Variants in IGSF10 observed in about 807,000 individuals in gnomAD.
IGSF10 encodes the protein calvaria mechanical force protein 608.
A neutral mutation model predicts 128.2 loss-of-function variants in IGSF10; 126 were observed. That is an observed-to-expected ratio of 0.98 (90% confidence interval 0.85 to 1.14). IGSF10 has a LOEUF of 1.14. Among genes scored for constraint, IGSF10 ranks in the 50% most tolerant of loss-of-function variants. The probability of loss-of-function intolerance (pLI) is 0.00; values close to 1 mark genes in which losing one functional copy is unlikely to be tolerated. For synonymous variants in IGSF10, 1,185 were observed against 1,146.2 expected, an observed-to-expected ratio of 1.03 and a Z score of -0.68; for missense variants, 3,295 against 3,149.8, an observed-to-expected ratio of 1.05 and a Z score of -1.10.
the IGSF10 span, among the ~76,000 whole-genome samples, chr3:151,491,376 A>T: frequency 6.6e-6 from 1 of 152,146 alleles, no homozygotes; most frequent in Non-Finnish European, 1.5e-5. Flanking sequence ...CAGGAGGTCA[A>T]GACCAACCTG....
At chr3:151,618,671 A>G in the IGSF10 span, among the ~76,000 whole-genome samples, 2 of 152,002 alleles carry the variant, frequency 1.3e-5, no homozygotes, top group Non-Finnish European at 2.9e-5. Flanking sequence ...CGGAGCTTAC[A>G]GTGAATCGAG....
At chr3:151,435,739 G>GAATT (rs1023846444), downstream of IGSF10, 3 of 152,058 alleles carry the variant, frequency 2.0e-5, no homozygotes, top group African/African-American at 4.8e-5. Flanking sequence ...AATTCAGGTT[G>GAATT]AATTAAGCAT....
At chr3:151,442,678 C>G (rs774509157) in intron 7 of IGSF10, among the ~76,000 whole-genome samples, 21 of 151,682 alleles carry the variant, frequency 1.4e-4, no homozygotes, top group Non-Finnish European at 2.6e-4. Flanking sequence ...CGTGAGCCAC[C>G]GTGCCTGTCC....
the IGSF10 span, among the ~76,000 whole-genome samples, chr3:151,580,724 A>C: frequency 6.6e-6 from 1 of 152,194 alleles, no homozygotes; most frequent in Admixed American, 6.5e-5. Context: ...ACACTTACGG[A>C]GGAATTCTAC....
chr3:151,494,277 G>A, the IGSF10 span, among the ~76,000 whole-genome samples: 1 of 129,742 alleles, frequency 7.7e-6, no homozygotes, highest in Admixed American at 8.0e-5. Flanking sequence ...AAAGCAAAAA[G>A]AAGAAGAAAC....
the IGSF10 span, among the ~76,000 whole-genome samples, chr3:151,598,445 G>A: frequency 2.0e-5 from 3 of 152,214 alleles, no homozygotes; most frequent in Non-Finnish European, 4.4e-5. Flanking sequence ...ACCCCCAAAT[G>A]CAGTCATCTG....
the IGSF10 span, among the ~76,000 whole-genome samples, chr3:151,478,165 A>G: frequency 1.3e-5 from 2 of 152,130 alleles, no homozygotes; most frequent in Non-Finnish European, 2.9e-5. Flanking sequence ...CAGTGGCAAA[A>G]CAAAACAAAC....
the IGSF10 span, among the ~76,000 whole-genome samples, chr3:151,530,968 G>A: frequency 6.6e-6 from 1 of 152,032 alleles, no homozygotes; most frequent in Non-Finnish European, 1.5e-5. Flanking sequence ...GACACACATA[G>A]GCTCAAAATA....
the IGSF10 span, among the ~76,000 whole-genome samples, chr3:151,551,655 T>C: frequency 2.4e-5 from 3 of 124,292 alleles, no homozygotes; most frequent in African/African-American, 6.6e-5. Context: ...CCTTGGAACA[T>C]GGGCATTACA....
At chr3:151,442,961 C>A in intron 7 of IGSF10, 23 bp downstream of exon 7, 1 of 1,586,766 alleles carries the variant, frequency 6.3e-7, no homozygotes, top group South Asian at 1.2e-5. Context: ...GCAGATAATT[C>A]CAACCCAAAG....
chr3:151,616,984 C>G, the IGSF10 span, among the ~76,000 whole-genome samples: 1 of 152,272 alleles, frequency 6.6e-6, no homozygotes, highest in African/African-American at 2.4e-5. Flanking sequence ...GGCAAGGCTG[C>G]CTGAAGCCTT....
the IGSF10 span, among the ~76,000 whole-genome samples, chr3:151,502,848 A>C: frequency 6.6e-6 from 1 of 152,152 alleles, no homozygotes. Context: ...GAGTGATAAG[A>C]AAACCAGAAA....
At chr3:151,541,347 T>G in the IGSF10 span, among the ~76,000 whole-genome samples, 1 of 152,206 alleles carries the variant, frequency 6.6e-6, no homozygotes, top group African/African-American at 2.4e-5. Context: ...CAGTAAAATT[T>G]GTTATGATAC....
At chr3:151,521,954 A>C in the IGSF10 span, among the ~76,000 whole-genome samples, 1 of 151,854 alleles carries the variant, frequency 6.6e-6, no homozygotes, top group African/African-American at 2.4e-5. Context: ...AGGCCACACT[A>C]GCTAGACTAC....
the IGSF10 span, among the ~76,000 whole-genome samples, chr3:151,479,997 T>TCA: frequency 6.6e-6 from 1 of 151,760 alleles, no homozygotes; most frequent in African/African-American, 2.4e-5. Flanking sequence ...TTTTTTTTTA[T>TCA]CACACACATC....
chr3:151,435,473 C>CTGAA (rs1720043678), downstream of IGSF10: 1 of 152,108 alleles, frequency 6.6e-6, no homozygotes, highest in Non-Finnish European at 1.5e-5. Flanking sequence ...ATGGGGCTAA[C>CTGAA]TGAAAGTCAG....
At position 151,446,204 on chromosome 3, in the gene IGSF10, C is replaced by T. The variant is rs762980732; in HGVS notation, c.3777G>A (p.Val1259=). 3.7e-5 allele frequency: 60 copies of T among 1,613,710 alleles called. No homozygotes were observed. In the East Asian group the frequency reaches 4.0e-4, roughly 11 times the overall value. ...PFHFTTLSTS[V]MQIPSNTLTT... ...TCAAGGTATTAGATGGAATTTGCATCACACTTGTTGAAAGTGTGGTGAAAT... is the reference window on the plus strand; with the variant it reads ...TCAAGGTATTAGATGGAATTTGCATTACACTTGTTGAAAGTGTGGTGAAAT... The change falls in exon 6 of 8, where the codon GTG becomes GTA. Residue 1259 remains valine (V), a synonymous_variant. Transcript: ENST00000282466.
chr3:151,618,984 C>T, the IGSF10 span, among the ~76,000 whole-genome samples: 11 of 150,964 alleles, frequency 7.3e-5, no homozygotes, highest in South Asian at 6.3e-4. Context: ...GACCCTATCA[C>T]GGTGTTTTCA....
chr3:151,460,096 A>G (rs1721982260), intron 2 of IGSF10, among the ~76,000 whole-genome samples, 165 bp downstream of exon 2: 1 of 152,258 alleles, frequency 6.6e-6, no homozygotes, highest in African/African-American at 2.4e-5. Context: ...AGGAAGGAAC[A>G]GCAGGATGAA....
Sources: gnomAD v4.1 joint callset for allele counts (sites outside exome capture counted in the v4.1 genomes callset) on GRCh38, gnomAD v4.1.1 for gene constraint, MANE v1.5 for transcripts, NCBI Gene and HGNC (gene_info 2026-07-23, HGNC 2026-07-21) for gene names.